Variants in SEMA6D observed in about 807,000 individuals in gnomAD.
The protein encoded by SEMA6D is semaphorin 6D, also known as semaphorin-6D.
A neutral mutation model predicts 106.6 loss-of-function variants in SEMA6D; 35 were observed. The ratio of observed to expected loss-of-function variants is 0.33; its 90% CI spans 0.25 to 0.44. The LOEUF (loss-of-function observed/expected upper bound fraction) is 0.44. Ranked by LOEUF, SEMA6D falls within the 20% of genes least tolerant of loss-of-function variation. The pLI, the probability that SEMA6D is intolerant of heterozygous loss-of-function variation, is 1.00. For synonymous variants in SEMA6D, 499 were observed against 487.7 expected (o/e 1.02, Z -0.31); for missense variants, 1,185 against 1,345.9 (o/e 0.88, Z 1.87).
chr15:47,771,180 G>C lies in SEMA6D; in HGVS notation c.2617G>C (p.Val873Leu). ...SSSKRDHRRS[V>L]DSRNTLNDLL... ...CAGTAAGAGAGATCACCGGCGTTCT[G>C]TTGATTCCAGAAATACCCTCAATGA... The change falls in exon 19 of 19, where the codon GTT (valine) becomes CTT (leucine). Residue 873 changes from valine (V) to leucine (L), a missense_variant. Physicochemically the swap from Val to Leu is conservative, Grantham distance 32 (BLOSUM62 1). Around this residue, in one of 3 missense-constraint regions of SEMA6D, gnomAD observed 750 missense variants for 783.5 expected, o/e 0.96. Coordinates refer to ENST00000536845, the MANE Select transcript of SEMA6D (RefSeq NM_001358351.3). 1 of 1,614,078 alleles carries C rather than the reference G, an allele frequency of 6.2e-7. No individual in the cohort carries two copies. Among genetic ancestry groups the C allele is most frequent in the South Asian group, 1.1e-5 (1 of 91,074 alleles).
Position 47,422,740 on chromosome 15 carries a change from A to G in SEMA6D, c.-159+10268A>G, listed in dbSNP as rs140761975. ...ACATAATCATACCTGTAAAAGATTT[A>G]TCACTGCAAGAGGCATTTTGGAACC... On this transcript the variant is annotated intron_variant, in intron 2 of 19. Coordinates refer to the SEMA6D transcript ENST00000558014. 2.4e-3 allele frequency among the ~76,000 whole-genome samples: 358 copies of G among 152,230 alleles called. 2 individuals carry two copies. The highest frequency in any genetic ancestry group is 0.013 in the South Asian group (63 of 4,830).
intron 1 of SEMA6D, among the ~76,000 whole-genome samples, chr15:47,318,024 C>CT (rs71425594): frequency 0.036 from 4,201 of 116,894 alleles, 135 homozygotes; most frequent in South Asian, 0.13. Context: ...TCCCACAGTT[C>CT]TTTTTTTTTT....
At chr15:47,245,541 T>C (rs2033150999) in intron 1 of SEMA6D, among the ~76,000 whole-genome samples, 1 of 152,200 alleles carries the variant, frequency 6.6e-6, no homozygotes, top group Admixed American at 6.5e-5. Flanking sequence ...TGTTTGTGAA[T>C]GTCAGCTTCT....
At chr15:47,529,432 G>C (rs1047510274) in intron 3 of SEMA6D, among the ~76,000 whole-genome samples, 2 of 152,002 alleles carry the variant, frequency 1.3e-5, no homozygotes, top group East Asian at 3.9e-4. Context: ...CAACTGTATT[G>C]GGCAACAAGG....
intron 1 of SEMA6D, among the ~76,000 whole-genome samples, chr15:47,294,746 A>G (rs2035737919): frequency 6.6e-6 from 1 of 152,090 alleles, no homozygotes. Context: ...CTTTGCAGAG[A>G]CCTTCATTTT....
intron 1 of SEMA6D, among the ~76,000 whole-genome samples, chr15:47,241,650 GAGAA>G (rs1355353550): frequency 6.6e-6 from 1 of 151,422 alleles, no homozygotes; most frequent in Admixed American, 6.6e-5. Flanking sequence ...ACAGGGAGAG[GAGAA>G]AGAGAGATAG....
chr15:47,571,697 T>C (rs1233404781), intron 3 of SEMA6D, among the ~76,000 whole-genome samples: 2 of 152,194 alleles, frequency 1.3e-5, no homozygotes. Context: ...GTAGGCCTCA[T>C]TGGATAATGA....
intron 1 of SEMA6D, among the ~76,000 whole-genome samples, chr15:47,230,994 C>CAA (rs775853845): frequency 4.6e-5 from 7 of 151,998 alleles, no homozygotes; most frequent in Non-Finnish European, 1.0e-4. Flanking sequence ...CCCCTTTCCT[C>CAA]CCCTTTGTCT....
intron 3 of SEMA6D, among the ~76,000 whole-genome samples, chr15:47,583,611 C>T (rs1383827259): frequency 1.3e-5 from 2 of 152,152 alleles, no homozygotes; most frequent in African/African-American, 2.4e-5. Flanking sequence ...CTAGGCATGG[C>T]TTGGCAATAA....
At chr15:47,346,971 C>A (rs1436176530) in intron 1 of SEMA6D, among the ~76,000 whole-genome samples, 1 of 151,902 alleles carries the variant, frequency 6.6e-6, no homozygotes, top group Non-Finnish European at 1.5e-5. Context: ...TGCAATGATG[C>A]CATCTCAGCT....
At chr15:47,344,043 C>G (rs1215634604) in intron 1 of SEMA6D, among the ~76,000 whole-genome samples, 2 of 152,156 alleles carry the variant, frequency 1.3e-5, no homozygotes, top group Non-Finnish European at 2.9e-5. Context: ...TACCATCTCA[C>G]ACCAGTTAGA....
chr15:47,265,905 G>A (rs1159277339), intron 1 of SEMA6D, among the ~76,000 whole-genome samples: 2 of 152,082 alleles, frequency 1.3e-5, no homozygotes, highest in Non-Finnish European at 2.9e-5. Flanking sequence ...ACGTTGGGAT[G>A]ACAGTGGTTT....
rs189661594 is a variant in SEMA6D, at chr15:47,227,387, C to G, written c.-239+42969C>G. On this transcript the variant is annotated intron_variant, in intron 1 of 19. Coordinates refer to the SEMA6D transcript ENST00000558014. ...TCTCTTCCTTTTTCCTTCCTTTCCT[C>G]TTTCTGTTCTACCTTATGTCTTTCT... 5.4e-4 allele frequency among the ~76,000 whole-genome samples: 73 copies of G among 135,178 alleles called. 1 individual carries two copies. The highest frequency in any genetic ancestry group is 1.9e-3 in the African/African-American group (65 of 34,158). 88.7% of individuals were successfully genotyped at this position (135,178 alleles called of 152,430 possible). A position where few individuals can be genotyped will look rare whatever the true frequency, so the allele number is the denominator to read the frequency against.
chr15:47,730,957 G>A, intron 1 of SEMA6D: 1 of 685,696 alleles, frequency 1.5e-6, no homozygotes, highest in Non-Finnish European at 2.6e-6. Flanking sequence ...GGAGGAGAGA[G>A]CAATCTTCCT....
chr15:47,294,035 T>G (rs1006508342), intron 1 of SEMA6D, among the ~76,000 whole-genome samples: 4 of 152,152 alleles, frequency 2.6e-5, no homozygotes, highest in East Asian at 1.9e-4. Context: ...GCAACTTTTT[T>G]TTGTTGTTGT....
chr15:47,707,526 T>C (rs191573097), intron 4 of SEMA6D, among the ~76,000 whole-genome samples: 22 of 152,336 alleles, frequency 1.4e-4, no homozygotes, highest in Admixed American at 2.0e-4. Flanking sequence ...GCATTTCCTA[T>C]GTTTGCAAGC....
At chr15:47,492,053 A>G (rs978984971) in intron 3 of SEMA6D, among the ~76,000 whole-genome samples, 9 of 152,198 alleles carry the variant, frequency 5.9e-5, no homozygotes, top group African/African-American at 2.2e-4. Flanking sequence ...AAATTCAAGA[A>G]GATGGTAACT....
At chr15:47,505,655 G>T (rs1301104577) in intron 3 of SEMA6D, among the ~76,000 whole-genome samples, 1 of 152,044 alleles carries the variant, frequency 6.6e-6, no homozygotes, top group African/African-American at 2.4e-5. Context: ...CTCTAAAACG[G>T]TTCAGCAAGA....
chr15:47,344,704 A>G (rs977443178), intron 1 of SEMA6D, among the ~76,000 whole-genome samples: 1 of 152,186 alleles, frequency 6.6e-6, no homozygotes, highest in African/African-American at 2.4e-5. Flanking sequence ...GCAATGTTGT[A>G]CTGGATGTTC....
Sources: allele counts gnomAD v4.1 joint callset (sites outside exome capture counted in the v4.1 genomes callset), GRCh38; gene constraint gnomAD v4.1.1; regional missense constraint gnomAD v4.1.1; transcripts MANE v1.5; gene names NCBI Gene and HGNC (gene_info 2026-07-23, HGNC 2026-07-21).